The following PNPLA7 variants were observed in gnomAD, a reference collection of about 807,000 sequenced individuals.
The protein encoded by PNPLA7 is patatin like domain 7, lysophospholipase.
PNPLA7 carries 153 observed loss-of-function variants against 161.7 expected under a neutral mutation model. The observed-to-expected ratio is 0.95, with a 90% CI of 0.83 to 1.08. The LOEUF (loss-of-function observed/expected upper bound fraction) is 1.08. Ranked by LOEUF, PNPLA7 falls within the 50% of genes least tolerant of loss-of-function variation. PNPLA7 has a pLI of 0.00. For missense variants in PNPLA7, 1,739 were observed against 1,856.6 expected (o/e 0.94, Z 1.16); for synonymous variants, 809 against 782.1 (o/e 1.03, Z -0.57).
intron 8 of PNPLA7, among the ~76,000 whole-genome samples, chr9:137,536,899 T>C (rs1192911615): frequency 6.8e-6 from 1 of 146,116 alleles, no homozygotes; most frequent in Non-Finnish European, 1.5e-5. Flanking sequence ...TGAGCCATAC[T>C]TCATCTCCCA....
intron 19 of PNPLA7, 79 bp from the exon 20 acceptor site, chr9:137,493,161 A>C (rs1410067337): frequency 2.1e-6 from 3 of 1,442,024 alleles, no homozygotes; most frequent in Non-Finnish European, 2.9e-6. Flanking sequence ...GATGCTCAAC[A>C]ACAGCGAGAC....
In PNPLA7 at chr9:137,480,304, G is replaced by T; in HGVS notation, c.2580+8C>A. The T allele has an allele frequency of 1.2e-6, 2 of 1,610,350 alleles. No individual in the cohort carries two copies. The highest frequency in any genetic ancestry group is 8.5e-7 in the Non-Finnish European group (1 of 1,179,396). ...CTCCCCAGCTCCACCGGCCCTCCCCGTGCTCACCTCGCCCACTGTGGGCTC... is the reference window on the plus strand; with the variant it reads ...CTCCCCAGCTCCACCGGCCCTCCCCTTGCTCACCTCGCCCACTGTGGGCTC... On this transcript the variant is annotated splice_region_variant and intron_variant, in intron 23 of 34. Coordinates refer to ENST00000406427, the MANE Select transcript of PNPLA7 (RefSeq NM_001098537.3).
intron 4 of PNPLA7, among the ~76,000 whole-genome samples, chr9:137,546,048 G>A (rs998305607): frequency 1.3e-5 from 2 of 152,140 alleles, no homozygotes; most frequent in African/African-American, 2.4e-5. Flanking sequence ...TCCCTGTGAT[G>A]CTGTGCTTCA....
chr9:137,479,527 A>C, intron 23 of PNPLA7: 4 of 1,141,706 alleles, frequency 3.5e-6, no homozygotes, highest in Non-Finnish European at 1.1e-6. Flanking sequence ...ACCTTTCCAA[A>C]TGAGGTATTT....
intron 1 of PNPLA7, among the ~76,000 whole-genome samples, chr9:137,548,196 T>A (rs954127372): frequency 6.6e-6 from 1 of 151,862 alleles, no homozygotes; most frequent in African/African-American, 2.4e-5. Context: ...GAGGGCAGGA[T>A]GGTGAGTGAA....
chr9:137,481,913 A>G (rs1052192761), intron 21 of PNPLA7, among the ~76,000 whole-genome samples: 10 of 152,164 alleles, frequency 6.6e-5, no homozygotes, highest in Non-Finnish European at 1.2e-4. Context: ...TCCAGCCTGG[A>G]CAACAGAGCA....
chr9:137,461,768 G>T, intron 32 of PNPLA7, 148 bp from the exon 33 acceptor site: 1 of 1,165,798 alleles, frequency 8.6e-7, no homozygotes, highest in Non-Finnish European at 1.2e-6. Flanking sequence ...GGGGAGATGC[G>T]CAGTCCTGAG....
At chr9:137,509,372 ATGAGTTTAGCCGGTATGAG>A (rs1564333027) in intron 12 of PNPLA7, 4 of 161,728 alleles carry the variant, frequency 2.5e-5, no homozygotes, top group Middle Eastern at 6.3e-4. Flanking sequence ...GCTAGTACGA[ATGAGTTTAGCCGGTATGAG>A]TGAGTTTAGC....
At chr9:137,519,329 G>A (rs777582748) in intron 11 of PNPLA7, among the ~76,000 whole-genome samples, 5 of 152,228 alleles carry the variant, frequency 3.3e-5, no homozygotes, top group Admixed American at 6.5e-5. Context: ...CAGGCCCCCC[G>A]GTTAGCACTC....
chr9:137,531,992 A>G (rs1021287482), intron 8 of PNPLA7, among the ~76,000 whole-genome samples: 2 of 152,228 alleles, frequency 1.3e-5, no homozygotes, highest in Non-Finnish European at 2.9e-5. Flanking sequence ...GCCTAGAACT[A>G]CGAGGCTCAG....
At chr9:137,482,421 C>T (rs1052442305) in intron 21 of PNPLA7, among the ~76,000 whole-genome samples, 2 of 152,208 alleles carry the variant, frequency 1.3e-5, no homozygotes, top group African/African-American at 2.4e-5. Context: ...AGCTCCAGGC[C>T]AGGAAAAGGC....
At position 137,522,824 on chromosome 9, in the gene PNPLA7, G is replaced by C; in HGVS notation, c.781C>G (p.Arg261Gly). 6.2e-7 allele frequency: 1 copy of C among 1,613,656 alleles called. No individual in the cohort carries two copies. Among genetic ancestry groups the C allele is most frequent in the Non-Finnish European group, 8.5e-7 (1 of 1,179,940 alleles). Reference sequence around the variant, plus strand: ...AGGATGGTGGACGGGATGGCCGCGCGGACGGAGACCGTTTTGTAAGGTGCA... The same window carrying C: ...AGGATGGTGGACGGGATGGCCGCGCCGACGGAGACCGTTTTGTAAGGTGCA... ...HAAPYKTVSV[R>G]AAIPSTILRL... is the part of the protein sequence containing the mutation. The change falls in exon 9 of 35, where the codon CGC becomes GGC. Residue 261 changes from arginine (R) to glycine (G), a missense_variant. By Grantham distance (125) the Arg-to-Gly change is moderately radical. Transcript: ENST00000406427.
chr9:137,505,881 G>C, intron 13 of PNPLA7, 102 bp downstream of exon 13: 1 of 1,527,182 alleles, frequency 6.5e-7, no homozygotes. Flanking sequence ...TGAAGCTGCA[G>C]GTGCCACATG....
Position 137,490,057 on chromosome 9 carries a change from A to G in PNPLA7, c.2197+2956T>C, listed in dbSNP as rs1832690708. On this transcript the variant is annotated intron_variant, in intron 20 of 34. Transcript: ENST00000406427. This position sits in a 1 kb window ranked among gnomAD's most constrained non-coding sequence, Gnocchi z 4.1. ...AGTATTCATGCTCAGACACTTCCAA[A>G]TCACATTTCTGAAAACTAAAGACAG... 6.6e-6 allele frequency among the ~76,000 whole-genome samples: 1 copy of G among 152,220 alleles called. No individual in the cohort carries two copies. Among genetic ancestry groups the G allele is most frequent in the Non-Finnish European group, 1.5e-5 (1 of 68,044 alleles).
rs1827259035 is a variant in PNPLA7, at chr9:137,499,358, CAGAT to C, written c.1758-1117_1758-1114del. ...CAGACACACGACACACGCAGACACA[CAGAT>C]AGACACACAGCACGGGGGGACTGAG... On this transcript the variant is annotated intron_variant, in intron 16 of 34. Coordinates refer to ENST00000406427, the MANE Select transcript of PNPLA7 (RefSeq NM_001098537.3). This position sits in a 1 kb window ranked among gnomAD's most constrained non-coding sequence, Gnocchi z 5.5. Among the ~76,000 whole-genome samples, 2 of 152,146 alleles carry C rather than the reference CAGAT, an allele frequency of 1.3e-5. No individual in the cohort carries two copies. Among genetic ancestry groups the C allele is most frequent in the East Asian group, 1.9e-4 (1 of 5,202 alleles).
At chr9:137,487,170 G>C (rs564497920) in intron 20 of PNPLA7, among the ~76,000 whole-genome samples, 216 of 152,368 alleles carry the variant, frequency 1.4e-3, no homozygotes, top group African/African-American at 5.0e-3. Flanking sequence ...GCTGCGCACC[G>C]GCTGCCAAGG....
At chr9:137,482,156 T>A (rs922140733) in intron 21 of PNPLA7, among the ~76,000 whole-genome samples, 9 of 152,210 alleles carry the variant, frequency 5.9e-5, no homozygotes, top group Admixed American at 2.6e-4. Context: ...TGGTGCAGCC[T>A]CACTGGAAGT....
rs1360958235 is a variant in PNPLA7 at position 137,499,816 on chromosome 9, G to A, written c.1757+875C>T. ...CCGACCTGTTTTCTTCAGCTGCTGT[G>A]CTTCCACTGACCTTCAGGCTTCTGA... On this transcript the variant is annotated intron_variant, in intron 16 of 34. Coordinates refer to ENST00000406427, the MANE Select transcript of PNPLA7 (RefSeq NM_001098537.3). This position sits in a 1 kb window ranked among gnomAD's most constrained non-coding sequence, Gnocchi z 5.5. Among the ~76,000 whole-genome samples the A allele has an allele frequency of 6.6e-6, 1 of 152,246 alleles. No individual in the cohort carries two copies. The highest frequency in any genetic ancestry group is 6.5e-5 in the Admixed American group (1 of 15,288).
Position 137,543,516 on chromosome 9 carries a change from G to C in PNPLA7, c.422C>G (p.Ser141Cys), listed in dbSNP as rs778342894. ...PALQPKEPPP[S>C]LLEADLTEFD... Reference sequence around the variant, plus strand: ...CTCCGTGAGGTCGGCCTCCAGCAGGGAGGGCGGGGGCTCCTTGGGCTGCAG... The same window carrying C: ...CTCCGTGAGGTCGGCCTCCAGCAGGCAGGGCGGGGGCTCCTTGGGCTGCAG... Residue 141 changes from serine to cysteine, a missense_variant, in exon 6 of 35, where the codon TCC becomes TGC. Ser to Cys is a moderately radical substitution (Grantham distance 112). Around this residue, in one of 6 missense-constraint regions of PNPLA7, gnomAD observed 209 missense variants for 252.8 expected, o/e 0.83. Transcript: ENST00000406427. This position sits in a 1 kb window ranked among gnomAD's most constrained non-coding sequence, Gnocchi z 6.9. 5.0e-6 allele frequency: 8 copies of C among 1,613,932 alleles called. No individual in the cohort carries two copies. Among genetic ancestry groups the C allele is most frequent in the Non-Finnish European group, 3.4e-6 (4 of 1,180,010 alleles).
Sources: gnomAD v4.1 joint callset for allele counts (sites outside exome capture counted in the v4.1 genomes callset) on GRCh38, gnomAD v4.1.1 for gene constraint, gnomAD v4.1.1 regional missense constraint, Gnocchi (gnomAD v3.1) non-coding constraint, MANE v1.5 for transcripts, NCBI Gene and HGNC (gene_info 2026-07-23, HGNC 2026-07-21) for gene names.